The following GPHN variants were observed in gnomAD, a reference collection of about 807,000 sequenced individuals.
The protein encoded by GPHN is gephyrin.
In GPHN, 17 loss-of-function variants were observed where a neutral mutation model predicts 95.5. The ratio of observed to expected loss-of-function variants is 0.18; its 90% confidence interval spans 0.12 to 0.27. The LOEUF (loss-of-function observed/expected upper bound fraction) is 0.27. GPHN is among the 10% of genes least tolerant of loss of function. GPHN has a pLI of 1.00. For synonymous variants in GPHN, 320 were observed against 322.5 expected (o/e 0.99, Z 0.08); for missense variants, 660 against 978.1 (o/e 0.67, Z 4.34).
chr14:67,148,821 C>T (rs1361291777), intron 18 of GPHN, among the ~76,000 whole-genome samples: 3 of 151,610 alleles, frequency 2.0e-5, no homozygotes, highest in African/African-American at 7.2e-5. Context: ...CCGCCTCGGC[C>T]TCCCAAAGTG....
chr14:67,650,270 G>T, the GPHN span: 1 of 215,672 alleles, frequency 4.6e-6, no homozygotes, highest in Non-Finnish European at 9.4e-6. Flanking sequence ...TCAAAAGTGG[G>T]AATGCAGTTT....
chr14:67,543,528 C>G, the GPHN span, among the ~76,000 whole-genome samples: 1 of 152,222 alleles, frequency 6.6e-6, no homozygotes, highest in Non-Finnish European at 1.5e-5. Flanking sequence ...GTTAAGCATG[C>G]ATATTCCTGG....
At chr14:66,799,543 CTTGT>C (rs2060271586) in intron 3 of GPHN, among the ~76,000 whole-genome samples, 2 of 152,084 alleles carry the variant, frequency 1.3e-5, no homozygotes, top group Admixed American at 6.5e-5. Flanking sequence ...CCTGAATTGA[CTTGT>C]TTATCATTAT....
the GPHN span, among the ~76,000 whole-genome samples, chr14:67,639,227 G>A: frequency 3.9e-5 from 6 of 152,128 alleles, no homozygotes; most frequent in Non-Finnish European, 5.9e-5. Flanking sequence ...TTTCTGTCAC[G>A]TTTATCTGAG....
chr14:67,042,135 T>G (rs2074738593), intron 10 of GPHN, among the ~76,000 whole-genome samples: 1 of 152,082 alleles, frequency 6.6e-6, no homozygotes, highest in Admixed American at 6.5e-5. Context: ...GATGAGTAGA[T>G]TGCAAAAATT....
intron 4 of GPHN, among the ~76,000 whole-genome samples, chr14:66,861,965 G>C (rs2063040949): frequency 6.6e-6 from 1 of 151,926 alleles, no homozygotes; most frequent in South Asian, 2.1e-4. Context: ...CCCAAAAGTA[G>C]TAGAGGAAAA....
chr14:67,280,938 C>G, the GPHN span, among the ~76,000 whole-genome samples: 3 of 148,704 alleles, frequency 2.0e-5, no homozygotes, highest in East Asian at 2.0e-4. Flanking sequence ...GCTCTGTTGC[C>G]CAGGCTGGAG....
At chr14:67,662,885 A>G in the GPHN span, 1 of 1,192,338 alleles carries the variant, frequency 8.4e-7, no homozygotes, top group Non-Finnish European at 1.0e-6. Flanking sequence ...CCTGGGCAAT[A>G]GAGCAAGACT....
intron 10 of GPHN, among the ~76,000 whole-genome samples, chr14:67,046,723 A>G (rs1348349289): frequency 6.6e-6 from 1 of 152,168 alleles, no homozygotes; most frequent in Non-Finnish European, 1.5e-5. Flanking sequence ...TTGAATAAGC[A>G]AGTAGAAAAG....
the GPHN span, among the ~76,000 whole-genome samples, chr14:67,627,256 G>GAGAT: frequency 3.0e-5 from 4 of 133,750 alleles, no homozygotes; most frequent in Admixed American, 7.7e-5. Flanking sequence ...TCAGTAAGGA[G>GAGAT]ATATATATAT....
At chr14:67,555,770 G>A in the GPHN span, 119 of 1,600,842 alleles carry the variant, frequency 7.4e-5, no homozygotes, top group Admixed American at 1.7e-4. Flanking sequence ...CCTTGATGCC[G>A]TGTTCACAGT....
intron 11 of GPHN, among the ~76,000 whole-genome samples, chr14:67,064,470 C>T (rs1000174962): frequency 1.4e-5 from 2 of 144,786 alleles, no homozygotes; most frequent in East Asian, 3.9e-4. Flanking sequence ...GGAGGATTCC[C>T]TCTTTTTCTA....
chr14:67,157,641 T>A (rs1309368300), intron 18 of GPHN, among the ~76,000 whole-genome samples: 2 of 152,018 alleles, frequency 1.3e-5, no homozygotes, highest in South Asian at 4.1e-4. Context: ...CTGGCCAACA[T>A]GGTGAAACGC....
chr14:67,551,144 C>T, the GPHN span, among the ~76,000 whole-genome samples: 1 of 152,176 alleles, frequency 6.6e-6, no homozygotes, highest in Non-Finnish European at 1.5e-5. Context: ...TAATAGTGGG[C>T]AACCTCTGGC....
the GPHN span, among the ~76,000 whole-genome samples, chr14:67,216,436 C>A: frequency 2.0e-5 from 3 of 151,918 alleles, no homozygotes. Flanking sequence ...ATTTCTTCTA[C>A]TAATTTTGAG....
the GPHN span, among the ~76,000 whole-genome samples, chr14:67,517,731 A>C: frequency 6.6e-6 from 1 of 152,174 alleles, no homozygotes; most frequent in East Asian, 1.9e-4. Context: ...CTTACAATTG[A>C]CATATTTTCT....
At chr14:66,660,084 T>G (rs1226834106) in intron 1 of GPHN, among the ~76,000 whole-genome samples, 1 of 152,044 alleles carries the variant, frequency 6.6e-6, no homozygotes, top group Non-Finnish European at 1.5e-5. Context: ...AGTGGTTGTT[T>G]ATTGGTTACT....
chr14:67,165,186 G>A lies in GPHN; in HGVS notation c.1935G>A (p.Leu645=). 5 of 1,609,864 alleles carry A rather than the reference G, an allele frequency of 3.1e-6. No individual in the cohort carries two copies. The highest frequency in any genetic ancestry group is 3.4e-6 in the Non-Finnish European group (4 of 1,176,286). The stretch of plus-strand genomic sequence containing the variant: ...GCTTGCCAACAACATTTGCAACTTT[G>A]GATATTGATGGTGTAAGAAAAATAA... The part of the protein sequence containing the change: ...KPGLPTTFAT[L]DIDGVRKIIF... The change falls in exon 20 of 23, where the codon TTG becomes TTA. Residue 645 remains leucine (L), a synonymous_variant. Transcript: ENST00000478722.
the GPHN span, chr14:67,376,531 T>C: frequency 6.2e-7 from 1 of 1,614,124 alleles, no homozygotes; most frequent in African/African-American, 1.3e-5. Flanking sequence ...CCTGGGTCTT[T>C]GATGACAAGT....
Sources: allele counts gnomAD v4.1 joint callset (sites outside exome capture counted in the v4.1 genomes callset), GRCh38; gene constraint gnomAD v4.1.1; transcripts MANE v1.5; gene names NCBI Gene and HGNC (gene_info 2026-07-23, HGNC 2026-07-21).